GPR179: variants seen among roughly 807,000 people sequenced by gnomAD.
GPR179 encodes probable G protein-coupled receptor 179.
GPR179 carries 52 observed loss-of-function variants against 70.8 expected under a neutral mutation model. That is an observed-to-expected ratio of 0.73 (90% CI 0.59 to 0.93). GPR179 has a LOEUF of 0.93. Among genes scored for constraint, GPR179 ranks in the 40% least tolerant of loss-of-function variants. The probability of loss-of-function intolerance (pLI) is 0.00; values close to 1 mark genes in which losing one functional copy is unlikely to be tolerated. For missense variants in GPR179, 2,734 were observed against 2,966.8 expected (o/e 0.92, Z 1.82); for synonymous variants, 1,123 against 1,169.0 (o/e 0.96, Z 0.80).
In GPR179 at chr17:38,334,177, C is replaced by T; in HGVS notation, c.1785-139G>A. ...GGCATTCTGCCCTCTCCTGCCCTCT[C>T]CAGGATTTAGGTCCCACTTCAATCC... On this transcript the variant is annotated intron_variant, in intron 8 of 10. Transcript: ENST00000616987. The surrounding 1 kb of genome is among the most constrained non-coding windows in gnomAD (Gnocchi z 4.7). The T allele has an allele frequency of 2.9e-6, 2 of 689,704 alleles. No homozygotes were observed. Among genetic ancestry groups the T allele is most frequent in the Non-Finnish European group, 5.2e-6 (2 of 383,466 alleles). The allele number at this position is 689,704 out of a possible 1,614,324, so 42.7% of individuals were successfully genotyped here. A position where few individuals can be genotyped will look rare whatever the true frequency, so the allele number is the denominator to read the frequency against.
At chr17:38,340,781 G>C (rs910458142) in intron 1 of GPR179, among the ~76,000 whole-genome samples, 1 of 152,070 alleles carries the variant, frequency 6.6e-6, no homozygotes, top group African/African-American at 2.4e-5. Flanking sequence ...AGCCGGGCAT[G>C]GTGGCTCATG....
chr17:38,329,808 C>T lies in GPR179; in HGVS notation c.3761G>A (p.Arg1254His), dbSNP rs777801911. 9 of 1,613,892 alleles carry T rather than the reference C, an allele frequency of 5.6e-6. No homozygotes were observed. Among genetic ancestry groups the T allele is most frequent in the Non-Finnish European group, 7.6e-6 (9 of 1,180,004 alleles). ...GGCCTTGTTGCCACTGTCTGGCTGA[C>T]GCGTTTCTGATTCAGTGACCTCCCA... ...CPWEVTESET[R>H]QPDSGNKAEI... Residue 1254 changes from arginine to histidine, a missense_variant, in exon 11 of 11, where the codon CGT (arginine) becomes CAT (histidine). Physicochemically the swap from Arg to His is conservative, Grantham distance 29. Coordinates refer to ENST00000616987, the MANE Select transcript of GPR179 (RefSeq NM_001004334.4).
chr17:38,335,975 C>T (rs2037401017), intron 5 of GPR179, 101 bp downstream of exon 5: 4 of 865,688 alleles, frequency 4.6e-6, no homozygotes, highest in Non-Finnish European at 8.0e-6. Context: ...GTCTCTGAAT[C>T]CCTTCCAGAG....
At chr17:38,332,755 A>C (rs1369892298) in intron 10 of GPR179, among the ~76,000 whole-genome samples, 2 of 152,236 alleles carry the variant, frequency 1.3e-5, no homozygotes, top group Non-Finnish European at 2.9e-5. Flanking sequence ...GACCACAGAC[A>C]TGTACCACCA....
At position 38,327,010 on chromosome 17, in the gene GPR179, C is replaced by G. The variant is rs1474140902; in HGVS notation, c.6559G>C (p.Gly2187Arg). ...GGCAAGAGCCCTCCTGAGCCTGTGC[C>G]TTCCCCAGGGCAGACTGCCTCCTGC... Reference protein sequence around the residue: ...REQEAVCPGEGTGSGGLLPQS... With the variant: ...REQEAVCPGERTGSGGLLPQS... Residue 2187 changes from glycine (G) to arginine (R), a missense_variant, in exon 11 of 11, where the codon GGC becomes CGC. Gly to Arg is a moderately radical substitution (Grantham distance 125). Coordinates refer to ENST00000616987, the MANE Select transcript of GPR179 (RefSeq NM_001004334.4). The G allele has an allele frequency of 5.0e-6, 8 of 1,614,078 alleles. No individual in the cohort carries two copies. The Admixed American group carries it at 6.7e-5, about 13-fold the overall frequency.
chr17:38,326,942 C>T lies in GPR179; in HGVS notation c.6627G>A (p.Lys2209=). The change falls in exon 11 of 11, where the codon AAG becomes AAA. Residue 2209 remains lysine, a synonymous_variant. Coordinates refer to ENST00000616987, the MANE Select transcript of GPR179 (RefSeq NM_001004334.4). ...ALDPELKVSP[K]EAGSMGSRMA... ...TCCTGCTTCCCATGCTGCCTGCTTC[C>T]TTGGGGCTGACTTTGAGTTCTGGGT... 7 of 1,614,142 alleles carry T rather than the reference C, an allele frequency of 4.3e-6. No individual in the cohort carries two copies. Among genetic ancestry groups the T allele is most frequent in the Non-Finnish European group, 5.9e-6 (7 of 1,180,032 alleles).
In GPR179 at chr17:38,333,953, C is replaced by G. The variant is rs754790875; in HGVS notation, c.1870G>C (p.Ala624Pro). 1 of 1,613,240 alleles carries G rather than the reference C, an allele frequency of 6.2e-7. No homozygotes were observed. The highest frequency in any genetic ancestry group is 8.5e-7 in the Non-Finnish European group (1 of 1,179,616). ...HTHSTVTTTL[A>P]LIFIPKFWKL... ...CTCACCTTAGGGATGAAGATCAGAGCCAGCGTGGTGGTGACTGTGCTGTGG... is the reference window on the plus strand; with the variant it reads ...CTCACCTTAGGGATGAAGATCAGAGGCAGCGTGGTGGTGACTGTGCTGTGG... Residue 624 changes from alanine (A) to proline (P), a missense_variant, in exon 9 of 11, where the codon GCT becomes CCT. Transcript: ENST00000616987.
At position 38,343,764 on chromosome 17, in the gene GPR179, G is replaced by C; in HGVS notation, c.26C>G (p.Pro9Arg). The change falls in exon 1 of 11, where the codon CCC becomes CGC. Residue 9 changes from proline to arginine, a missense_variant. By Grantham distance (103) the Pro-to-Arg change is moderately radical. Coordinates refer to ENST00000616987, the MANE Select transcript of GPR179 (RefSeq NM_001004334.4). This position sits in a 1 kb window ranked among gnomAD's most constrained non-coding sequence, Gnocchi z 4.2. MGTRGAVM[P>R]PPMWGLLGCC... ...GCCCAGCAGCCCCCACATAGGAGGG[G>C]GCATGACCGCTCCCCTGGTGCCCAT... is the stretch of plus-strand genomic sequence containing the variant. 6.6e-7 allele frequency: 1 copy of C among 1,526,412 alleles called. No homozygotes were observed. The highest frequency in any genetic ancestry group is 8.8e-7 in the Non-Finnish European group (1 of 1,138,048). 94.6% of individuals were successfully genotyped at this position (1,526,412 alleles called of 1,614,324 possible).
chr17:38,333,860 G>A (rs1192210166), intron 9 of GPR179, 73 bp downstream of exon 9: 13 of 1,191,932 alleles, frequency 1.1e-5, no homozygotes, highest in South Asian at 1.1e-4. Flanking sequence ...AGGGCGCTGC[G>A]GGACAACCGC....
chr17:38,329,471 A>G lies in GPR179; in HGVS notation c.4098T>C (p.Ala1366=). Residue 1366 remains alanine (A), a synonymous_variant, in exon 11 of 11, where the codon GCT becomes GCC. Coordinates refer to ENST00000616987, the MANE Select transcript of GPR179 (RefSeq NM_001004334.4). The stretch of plus-strand genomic sequence containing the variant: ...TGTCAGGGGTATGAGCTTCTGGGCC[A>G]GCAGCTTCCCACCCAGGCTTCTCCA... ...RKVEKPGWEA[A]GPEAHTPDIT... 6.2e-7 allele frequency: 1 copy of G among 1,613,852 alleles called. No individual in the cohort carries two copies. The highest frequency in any genetic ancestry group is 8.5e-7 in the Non-Finnish European group (1 of 1,179,982).
Position 38,330,262 on chromosome 17 carries a change from C to A in GPR179, c.3307G>T (p.Glu1103Ter). 6.3e-7 allele frequency: 1 copy of A among 1,599,328 alleles called. No individual in the cohort carries two copies. The highest frequency in any genetic ancestry group is 8.5e-7 in the Non-Finnish European group (1 of 1,171,150). The stretch of plus-strand genomic sequence containing the variant: ...GGACTCTCCTCCACACTCTCCTTCT[C>A]TCTGTAGGTGCTCCGAGAACGGGTC... The part of the protein sequence containing the change: ...ALTRSRSTYR[E>*]KESVEESPEG... The change falls in exon 11 of 11, where the codon GAG becomes TAG. Residue 1103 changes from glutamate (E) to a stop codon, truncating the protein, a stop_gained. Transcript: ENST00000616987. LOFTEE classifies it low-confidence loss of function (END_TRUNC).
rs2037298322 is a variant in GPR179, at chr17:38,327,433, C to G, written c.6136G>C (p.Gly2046Arg). 1 of 1,614,242 alleles carries G rather than the reference C, an allele frequency of 6.2e-7. No individual in the cohort carries two copies. The highest frequency in any genetic ancestry group is 8.5e-7 in the Non-Finnish European group (1 of 1,180,052). ...DGKGDSQEEK[G>R]RAPEKSEPKG... The stretch of plus-strand genomic sequence containing the variant: ...GGCTCTGATTTTTCTGGGGCTCTGC[C>G]TTTCTCTTCTTGAGAGTCCCCTTTT... Residue 2046 changes from glycine (G) to arginine (R), a missense_variant, in exon 11 of 11, where the codon GGC becomes CGC. Physicochemically the swap from Gly to Arg is moderately radical, Grantham distance 125. Coordinates refer to ENST00000616987, the MANE Select transcript of GPR179 (RefSeq NM_001004334.4).
In GPR179 at chr17:38,330,145, C is replaced by T; in HGVS notation, c.3424G>A (p.Ala1142Thr). The change falls in exon 11 of 11, where the codon GCC (alanine) becomes ACC (threonine). Residue 1142 changes from alanine (A) to threonine (T), a missense_variant. Ala to Thr is a moderately conservative substitution (Grantham distance 58). Coordinates refer to ENST00000616987, the MANE Select transcript of GPR179 (RefSeq NM_001004334.4). ...TTGTCATCGGAGGGGATAAGAGCGG[C>T]CTGCTTACTCACCGCCTTGGGCCGG... is the stretch of plus-strand genomic sequence containing the variant. ...LGRPKAVSKQ[A>T]ALIPSDDKES... 6.3e-7 allele frequency: 1 copy of T among 1,592,840 alleles called. No homozygotes were observed. The highest frequency in any genetic ancestry group is 8.6e-7 in the Non-Finnish European group (1 of 1,168,554).
At chr17:38,332,450 C>T (rs945804448) in intron 10 of GPR179, among the ~76,000 whole-genome samples, 10 of 152,144 alleles carry the variant, frequency 6.6e-5, no homozygotes, top group Non-Finnish European at 1.3e-4. Flanking sequence ...CATGCTTTTC[C>T]AGTGTAGACC....
At position 38,328,468 on chromosome 17, in the gene GPR179, TC is replaced by T. The variant is rs773359658; in HGVS notation, c.5100del (p.Lys1701ArgfsTer79). 1 of 1,614,116 alleles carries T rather than the reference TC, an allele frequency of 6.2e-7. No homozygotes were observed. The highest frequency in any genetic ancestry group is 8.5e-7 in the Non-Finnish European group (1 of 1,180,014). On this transcript the variant is annotated frameshift_variant, in exon 11 of 11. Transcript: ENST00000616987. LOFTEE classifies it low-confidence loss of function (END_TRUNC). ...PLDVEENLTAGKAEICPWEVG... is the reference protein window; with the variant it reads ...PLDVEENLTAXKAEICPWEVG... ...ACCTCCCAGGGACAGATTTCTGCCT[TC>T]CCAGCAGTCAAGTTTTCCTCCACAT...
chr17:38,328,402 C>T lies in GPR179; in HGVS notation c.5167G>A (p.Ala1723Thr), dbSNP rs772458566. The change falls in exon 11 of 11, where the codon GCC becomes ACC. Residue 1723 changes from alanine (A) to threonine (T), a missense_variant. Transcript: ENST00000616987. ...AGEERALGAEAIRKSPNDTGK... is the reference protein window; with the variant it reads ...AGEERALGAETIRKSPNDTGK... ...GTATCATTTGGAGATTTCCTAATGG[C>T]CTCAGCTCCCAAAGCCCTTTCCTCC... 2 of 1,614,072 alleles carry T rather than the reference C, an allele frequency of 1.2e-6. No individual in the cohort carries two copies. Among genetic ancestry groups the T allele is most frequent in the Non-Finnish European group, 1.7e-6 (2 of 1,179,988 alleles).
In GPR179 at chr17:38,327,555, G is replaced by A; in HGVS notation, c.6014C>T (p.Ala2005Val). The A allele has an allele frequency of 6.2e-7, 1 of 1,614,024 alleles. No individual in the cohort carries two copies. The change falls in exon 11 of 11, where the codon GCA (alanine) becomes GTA (valine). Residue 2005 changes from alanine to valine, a missense_variant. Physicochemically the swap from Ala to Val is moderately conservative, Grantham distance 64 (BLOSUM62 0). Coordinates refer to ENST00000616987, the MANE Select transcript of GPR179 (RefSeq NM_001004334.4). ...ADVCPWDVPD[A>V]GVYKSDSSAK... The stretch of plus-strand genomic sequence containing the variant: ...ACTGCTGTCAGATTTATACACACCT[G>A]CATCAGGAACATCCCATGGGCACAC...
In GPR179 at chr17:38,327,140, C is replaced by T. The variant is rs778952452; in HGVS notation, c.6429G>A (p.Gly2143=). The T allele has an allele frequency of 2.5e-6, 4 of 1,614,140 alleles. No individual in the cohort carries two copies. The East Asian group carries it at 6.7e-5, about 27-fold the overall frequency. ...WEAGGGAAEE[G]EQERESQGQG... Reference sequence around the variant, plus strand: ...GCCCTTGTGATTCTCTTTCCTGTTCCCCTTCCTCTGCTGCTCCTCCACCCG... The same window carrying T: ...GCCCTTGTGATTCTCTTTCCTGTTCTCCTTCCTCTGCTGCTCCTCCACCCG... Residue 2143 remains glycine (G), a synonymous_variant, in exon 11 of 11, where the codon GGG becomes GGA. Transcript: ENST00000616987.
At chr17:38,338,657 A>T (rs2037426012) in intron 2 of GPR179, among the ~76,000 whole-genome samples, 1 of 152,248 alleles carries the variant, frequency 6.6e-6, no homozygotes, top group Non-Finnish European at 1.5e-5. Flanking sequence ...GAAGAGCAGT[A>T]GAACCACCTG....
Sources: allele counts gnomAD v4.1 joint callset (sites outside exome capture counted in the v4.1 genomes callset), GRCh38; gene constraint gnomAD v4.1.1; non-coding constraint Gnocchi (gnomAD v3.1); transcripts MANE v1.5; gene names NCBI Gene and HGNC (gene_info 2026-07-23, HGNC 2026-07-21).